ZNF787: variants seen among roughly 807,000 people sequenced by gnomAD.
The protein encoded by ZNF787 is TTF-I-interacting peptide 20.
In ZNF787, 7 loss-of-function variants were observed where a neutral mutation model predicts 16.9. The ratio of observed to expected loss-of-function variants is 0.42; its 90% CI spans 0.24 to 0.78. The LOEUF is 0.78. Among genes scored for constraint, ZNF787 ranks in the 30% least tolerant of loss-of-function variants. The pLI is 0.30. For missense variants in ZNF787, 551 were observed against 589.3 expected, an observed-to-expected ratio of 0.94 and a Z score of 0.67; for synonymous variants, 345 against 270.9, an observed-to-expected ratio of 1.27 and a Z score of -2.69.
intron 1 of ZNF787, among the ~76,000 whole-genome samples, chr19:56,115,084 C>G (rs566241307): frequency 6.6e-6 from 1 of 152,092 alleles, no homozygotes. Context: ...TCCTCAGCCC[C>G]GGGACATCTC....
chr19:56,114,941 C>A lies in ZNF787; in HGVS notation c.-11+6231G>T, dbSNP rs1048784183. Among the ~76,000 whole-genome samples, 23 of 152,324 alleles carry A rather than the reference C, an allele frequency of 1.5e-4. 1 individual carries two copies. The highest frequency in any genetic ancestry group is 3.2e-4 in the Non-Finnish European group (22 of 68,032). On this transcript the variant is annotated intron_variant, in intron 1 of 2. Coordinates refer to ENST00000610935, the MANE Select transcript of ZNF787 (RefSeq NM_001002836.4). The stretch of plus-strand genomic sequence containing the variant: ...CACTCCCCCACCAGCTCTTTCACTG[C>A]CCTTTTCTGTGGCCACTTCGCTCCC...
At chr19:56,108,076 G>A (rs763141799) in intron 1 of ZNF787, among the ~76,000 whole-genome samples, 3 of 152,076 alleles carry the variant, frequency 2.0e-5, no homozygotes, top group Non-Finnish European at 2.9e-5. Context: ...ACACGTGAAG[G>A]GCAGCACTGG....
intron 2 of ZNF787, among the ~76,000 whole-genome samples, chr19:56,097,145 T>TC (rs1300066713): frequency 6.6e-6 from 1 of 152,078 alleles, no homozygotes; most frequent in Non-Finnish European, 1.5e-5. Context: ...GGCCCTTTTT[T>TC]CCCAGCACCC....
At chr19:56,114,627 C>G (rs1599959300) in intron 1 of ZNF787, among the ~76,000 whole-genome samples, 1 of 152,348 alleles carries the variant, frequency 6.6e-6, no homozygotes, top group South Asian at 2.1e-4. Context: ...GAGGCCCACA[C>G]CCCACCTTTC....
Position 56,087,799 on chromosome 19 carries a change from G to T in ZNF787, c.*224C>A. ...GCAGGCCGATAACTTAGGAAGGGCG[G>T]GCCAGGCTGAGGGGGCAGAGTCTCG... On this transcript the variant is annotated 3_prime_UTR_variant, in exon 3 of 3. Coordinates refer to ENST00000610935, the MANE Select transcript of ZNF787 (RefSeq NM_001002836.4). The T allele has an allele frequency of 1.5e-6, 1 of 668,134 alleles. No individual in the cohort carries two copies. Among genetic ancestry groups the T allele is most frequent in the Non-Finnish European group, 2.1e-6 (1 of 482,548 alleles). The allele number at this position is 668,134 out of a possible 1,614,324, so 41.4% of individuals were successfully genotyped here.
At chr19:56,095,583 C>T (rs1203552822) in intron 2 of ZNF787, among the ~76,000 whole-genome samples, 2 of 152,220 alleles carry the variant, frequency 1.3e-5, no homozygotes, top group Non-Finnish European at 2.9e-5. Context: ...ACTCCAGCCG[C>T]TGTCCCCACT....
At position 56,092,846 on chromosome 19, in the gene ZNF787, G is replaced by A. The variant is rs114188431; in HGVS notation, c.80-3754C>T. On this transcript the variant is annotated intron_variant, in intron 2 of 2. Coordinates refer to ENST00000610935, the MANE Select transcript of ZNF787 (RefSeq NM_001002836.4). ...AGTGGAATATCCATAGACACAAGGG[G>A]TGGCGGAAGTGGGATCCCCATAGAC... Among the ~76,000 whole-genome samples the A allele has an allele frequency of 5.7e-3, 861 of 151,198 alleles. 10 individuals carry two copies. The highest frequency in any genetic ancestry group is 0.02 in the African/African-American group (805 of 41,132).
At chr19:56,111,021 AC>A (rs1714625654) in intron 1 of ZNF787, among the ~76,000 whole-genome samples, 3 of 152,240 alleles carry the variant, frequency 2.0e-5, no homozygotes, top group African/African-American at 7.2e-5. Flanking sequence ...CCCCCCAGAT[AC>A]TAATACCTTT....
intron 1 of ZNF787, among the ~76,000 whole-genome samples, chr19:56,113,793 A>T (rs941245975): frequency 3.3e-5 from 5 of 152,158 alleles, no homozygotes; most frequent in African/African-American, 9.7e-5. Context: ...TGGCTGCGTA[A>T]ATCAGTGAAT....
In ZNF787 at chr19:56,087,859, G is replaced by A. The variant is rs979804754; in HGVS notation, c.*164C>T. On this transcript the variant is annotated 3_prime_UTR_variant, in exon 3 of 3. Coordinates refer to ENST00000610935, the MANE Select transcript of ZNF787 (RefSeq NM_001002836.4). ...AGTGAACGGGCCCTAATACGCCCCA[G>A]TGCCCCCCCACGGACGGCGCAGGGA... 8.7e-7 allele frequency: 1 copy of A among 1,151,588 alleles called. No homozygotes were observed. The highest frequency in any genetic ancestry group is 1.6e-5 in the African/African-American group (1 of 61,254). 71.3% of individuals were successfully genotyped at this position (1,151,588 alleles called of 1,614,324 possible). A position where few individuals can be genotyped will look rare whatever the true frequency, so the allele number is the denominator to read the frequency against.
intron 1 of ZNF787, chr19:56,105,525 C>T (rs997912169): frequency 3.9e-5 from 6 of 152,136 alleles, no homozygotes; most frequent in African/African-American, 1.4e-4. Context: ...AAAAAACCTC[C>T]TACCTCCCAC....
chr19:56,120,910 C>G (rs1191212074), intron 1 of ZNF787, among the ~76,000 whole-genome samples: 1 of 137,594 alleles, frequency 7.3e-6, no homozygotes, highest in Non-Finnish European at 1.6e-5. Flanking sequence ...GCACGCGCAC[C>G]CCCCCTCCAG....
intron 2 of ZNF787, among the ~76,000 whole-genome samples, chr19:56,099,807 C>T (rs575768615): frequency 1.3e-5 from 2 of 151,794 alleles, no homozygotes; most frequent in East Asian, 3.9e-4. Flanking sequence ...GGCTGGGGGC[C>T]GTGTCAGGGG....
Position 56,088,141 on chromosome 19 carries a change from G to C in ZNF787, c.1031C>G (p.Pro344Arg), listed in dbSNP as rs745848023. The C allele has an allele frequency of 1.3e-6, 2 of 1,554,176 alleles. No homozygotes were observed. Among genetic ancestry groups the C allele is most frequent in the Admixed American group, 3.6e-5 (2 of 54,962 alleles). Residue 344 changes from proline (P) to arginine (R), a missense_variant, in exon 3 of 3, where the codon CCC (proline) becomes CGC (arginine). Pro to Arg is a moderately radical substitution (Grantham distance 103). Coordinates refer to ENST00000610935, the MANE Select transcript of ZNF787 (RefSeq NM_001002836.4). This position sits in a 1 kb window ranked among gnomAD's most constrained non-coding sequence, Gnocchi z 8.6. The stretch of plus-strand genomic sequence containing the variant: ...CTGTCCGCAGCTGCTGCAGACCGAG[G>C]GCGCGCCCACCGCGTGGATCTTCTT... The part of the protein sequence containing the change: ...RHKKIHAVGA[P>R]SVCSSCGQSY...
intron 2 of ZNF787, among the ~76,000 whole-genome samples, chr19:56,091,456 A>G (rs1163144176): frequency 6.6e-6 from 1 of 152,054 alleles, no homozygotes. Context: ...GTGAGTGGAG[A>G]GTGGGGAGAG....
intron 1 of ZNF787, among the ~76,000 whole-genome samples, chr19:56,111,397 A>C (rs905193946): frequency 1.3e-5 from 2 of 152,178 alleles, no homozygotes; most frequent in Non-Finnish European, 2.9e-5. Flanking sequence ...AGTGGGGTCC[A>C]AGGGCACAAG....
At chr19:56,097,675 G>A (rs1478934335) in intron 2 of ZNF787, among the ~76,000 whole-genome samples, 1 of 152,246 alleles carries the variant, frequency 6.6e-6, no homozygotes, top group African/African-American at 2.4e-5. Flanking sequence ...ATCTGGCTGT[G>A]TTCCTGCGTG....
chr19:56,112,934 C>T (rs1472773947), intron 1 of ZNF787, among the ~76,000 whole-genome samples: 1 of 150,252 alleles, frequency 6.7e-6, no homozygotes, highest in Non-Finnish European at 1.5e-5. Context: ...TCCCTCCCAC[C>T]CTCACTCTCT....
rs1403331328 is a variant in ZNF787, at chr19:56,087,882, G to A, written c.*141C>T. ...CAGTGCCCCCCCACGGACGGCGCAG[G>A]GACAGAGGAGGGCGGGGAGCCGGGG... On this transcript the variant is annotated 3_prime_UTR_variant, in exon 3 of 3. Coordinates refer to ENST00000610935, the MANE Select transcript of ZNF787 (RefSeq NM_001002836.4). 1 of 1,255,256 alleles carries A rather than the reference G, an allele frequency of 8.0e-7. No homozygotes were observed. Among genetic ancestry groups the A allele is most frequent in the African/African-American group, 1.6e-5 (1 of 62,846 alleles). 77.8% of individuals were successfully genotyped at this position (1,255,256 alleles called of 1,614,324 possible).
Sources: gnomAD v4.1 joint callset for allele counts (sites outside exome capture counted in the v4.1 genomes callset) on GRCh38, gnomAD v4.1.1 for gene constraint, Gnocchi (gnomAD v3.1) non-coding constraint, MANE v1.5 for transcripts, NCBI Gene and HGNC (gene_info 2026-07-23, HGNC 2026-07-21) for gene names.